CADPS: variants seen among roughly 807,000 people sequenced by gnomAD.
CADPS encodes the protein calcium dependent secretion activator, also known as calcium-dependent secretion activator 1.
In CADPS, 57 loss-of-function variants were observed where a neutral mutation model predicts 167.3. The observed-to-expected ratio is 0.34, with a 90% CI of 0.28 to 0.42. CADPS has a LOEUF of 0.42. Ranked by LOEUF, CADPS falls within the 20% of genes least tolerant of loss-of-function variation. The pLI is 1.00. For synonymous variants in CADPS, 676 were observed against 635.3 expected (o/e 1.06, Z -0.96); for missense variants, 1,414 against 1,738.1 (o/e 0.81, Z 3.32).
At chr3:62,664,128 T>C (rs973477350) in intron 3 of CADPS, among the ~76,000 whole-genome samples, 2 of 152,096 alleles carry the variant, frequency 1.3e-5, no homozygotes, top group East Asian at 1.9e-4. Flanking sequence ...TGCCTCAGCC[T>C]CCTGAGTAGC....
At chr3:62,676,983 G>T (rs553772770) in intron 3 of CADPS, among the ~76,000 whole-genome samples, 1 of 152,190 alleles carries the variant, frequency 6.6e-6, no homozygotes, top group African/African-American at 2.4e-5. Context: ...AGAAAATTCT[G>T]AAAAATTCAT....
intron 1 of CADPS, among the ~76,000 whole-genome samples, chr3:62,772,334 T>C (rs1464751708): frequency 6.6e-6 from 1 of 152,222 alleles, no homozygotes; most frequent in Admixed American, 6.5e-5. Flanking sequence ...TCGCTTGCTA[T>C]TATGGGTGGC....
chr3:62,829,890 A>G (rs1040782243), intron 1 of CADPS, among the ~76,000 whole-genome samples: 7 of 152,138 alleles, frequency 4.6e-5, no homozygotes, highest in Non-Finnish European at 7.4e-5. Context: ...TCCACCTCCT[A>G]CTTGACTGTA....
chr3:62,516,031 C>A, intron 16 of CADPS, 28 bp downstream of exon 16: 1 of 1,611,382 alleles, frequency 6.2e-7, no homozygotes, highest in Non-Finnish European at 8.5e-7. Context: ...AATTTAAATT[C>A]AAAACTGGGG....
At position 62,875,187 on chromosome 3, in the gene CADPS, T is replaced by G; in HGVS notation, c.-158A>C. On this transcript the variant is annotated 5_prime_UTR_variant, in exon 1 of 30. Coordinates refer to ENST00000383710, the MANE Select transcript of CADPS (RefSeq NM_003716.4). ...GCTCAGCCTCGGCCGCCGCGACTGA[T>G]CCTCTGCCCGGCGGTCGCGAGCTGG... is the stretch of plus-strand genomic sequence containing the variant. The G allele has an allele frequency of 1.0e-6, 1 of 1,004,488 alleles. No homozygotes were observed. Among genetic ancestry groups the G allele is most frequent in the Non-Finnish European group, 1.3e-6 (1 of 775,626 alleles). The allele number at this position is 1,004,488 out of a possible 1,614,324, so 62.2% of individuals were successfully genotyped here. A position where few individuals can be genotyped will look rare whatever the true frequency, so the allele number is the denominator to read the frequency against.
At chr3:62,472,706 A>G (rs538918386) in intron 24 of CADPS, among the ~76,000 whole-genome samples, 203 of 152,344 alleles carry the variant, frequency 1.3e-3, no homozygotes, top group African/African-American at 4.3e-3. Flanking sequence ...GAATAAAACT[A>G]GAATAGTGCT....
intron 3 of CADPS, among the ~76,000 whole-genome samples, chr3:62,704,096 C>G (rs1461857532): frequency 3.9e-5 from 6 of 152,096 alleles, no homozygotes; most frequent in African/African-American, 1.4e-4. Flanking sequence ...ATGCGTCAAA[C>G]AAGGTCTGTG....
Position 62,469,248 on chromosome 3 carries a change from T to C in CADPS, c.3478-2835A>G, listed in dbSNP as rs916457905. 5.3e-5 allele frequency among the ~76,000 whole-genome samples: 8 copies of C among 152,324 alleles called. No individual in the cohort carries two copies. The East Asian group carries it at 1.5e-3, about 29-fold the overall frequency. Reference sequence around the variant, plus strand: ...GTGAATCCCTTTTGCTAGTTTTCCCTGATATATGAGACTTATTGGATTAAC... The same window carrying C: ...GTGAATCCCTTTTGCTAGTTTTCCCCGATATATGAGACTTATTGGATTAAC... On this transcript the variant is annotated intron_variant, in intron 24 of 29. Coordinates refer to ENST00000383710, the MANE Select transcript of CADPS (RefSeq NM_003716.4).
At chr3:62,630,063 T>C (rs960553439) in intron 6 of CADPS, among the ~76,000 whole-genome samples, 1 of 152,174 alleles carries the variant, frequency 6.6e-6, no homozygotes, top group African/African-American at 2.4e-5. Context: ...CATACTTTTT[T>C]TTGGTCTCCA....
intron 7 of CADPS, among the ~76,000 whole-genome samples, chr3:62,586,659 T>C (rs2084709352): frequency 6.6e-6 from 1 of 152,242 alleles, no homozygotes; most frequent in Admixed American, 6.5e-5. Flanking sequence ...CTTCCCACTG[T>C]CTTATGACAT....
intron 11 of CADPS, 115 bp from the exon 12 acceptor site, chr3:62,536,696 G>A (rs956073127): frequency 1.8e-5 from 18 of 1,006,730 alleles, no homozygotes; most frequent in Middle Eastern, 4.3e-4. Flanking sequence ...CTGTTTCCCC[G>A]TTGCCTCCCA....
intron 3 of CADPS, among the ~76,000 whole-genome samples, chr3:62,722,570 C>T (rs1467767936): frequency 4.6e-5 from 7 of 152,194 alleles, no homozygotes; most frequent in Non-Finnish European, 7.3e-5. Flanking sequence ...TTCACAGGCT[C>T]ATTTGCCTTT....
At chr3:62,467,617 A>G (rs1225431224) in intron 24 of CADPS, among the ~76,000 whole-genome samples, 1 of 152,140 alleles carries the variant, frequency 6.6e-6, no homozygotes, top group African/African-American at 2.4e-5. Context: ...ACCTATGAAA[A>G]TTTAACTCAG....
intron 28 of CADPS, among the ~76,000 whole-genome samples, chr3:62,414,109 A>G (rs1446921563): frequency 1.3e-5 from 2 of 152,248 alleles, no homozygotes; most frequent in Non-Finnish European, 2.9e-5. Flanking sequence ...AATGAAGCCC[A>G]GAGATGAGAA....
At chr3:62,709,497 A>G (rs747969623) in intron 3 of CADPS, among the ~76,000 whole-genome samples, 27 of 152,214 alleles carry the variant, frequency 1.8e-4, no homozygotes, top group Middle Eastern at 3.4e-3. Flanking sequence ...GTTGTTGTTT[A>G]TCATTCACTT....
At chr3:62,641,723 A>C (rs1245803311) in intron 6 of CADPS, among the ~76,000 whole-genome samples, 1 of 152,176 alleles carries the variant, frequency 6.6e-6, no homozygotes, top group African/African-American at 2.4e-5. Context: ...TTCTATGTTA[A>C]AAACGCAGGA....
intron 13 of CADPS, among the ~76,000 whole-genome samples, chr3:62,531,101 A>G (rs1437445555): frequency 2.0e-5 from 3 of 152,348 alleles, no homozygotes; most frequent in East Asian, 1.9e-4. Flanking sequence ...GACAATGTGT[A>G]TCATAATTCA....
Position 62,765,958 on chromosome 3 carries a change from G to A in CADPS, c.468C>T (p.Val156=), listed in dbSNP as rs1272516905. 1 of 1,613,272 alleles carries A rather than the reference G, an allele frequency of 6.2e-7. No homozygotes were observed. The highest frequency in any genetic ancestry group is 2.2e-5 in the East Asian group (1 of 44,868). The change falls in exon 2 of 30, where the codon GTC becomes GTT. Residue 156 remains valine, a synonymous_variant. Coordinates refer to ENST00000383710, the MANE Select transcript of CADPS (RefSeq NM_003716.4). The part of the protein sequence containing the change: ...QKISKQQLQT[V]KDRFQAFLNG... ...TGAGGAAAGCCTGAAACCGGTCCTTGACTGTCTGCAGCTGCTGTTTGCTGA... is the reference window on the plus strand; with the variant it reads ...TGAGGAAAGCCTGAAACCGGTCCTTAACTGTCTGCAGCTGCTGTTTGCTGA...
chr3:62,524,238 A>T (rs905088125), intron 13 of CADPS, among the ~76,000 whole-genome samples: 2 of 152,202 alleles, frequency 1.3e-5, no homozygotes, highest in South Asian at 4.1e-4. Flanking sequence ...TTATCTTCTC[A>T]AAAGGAGATA....
Sources: gnomAD v4.1 joint callset for allele counts (sites outside exome capture counted in the v4.1 genomes callset) on GRCh38, gnomAD v4.1.1 for gene constraint, MANE v1.5 for transcripts, NCBI Gene and HGNC (gene_info 2026-07-23, HGNC 2026-07-21) for gene names.